SCN2A: variants seen among roughly 807,000 people sequenced by gnomAD.
The protein encoded by SCN2A is sodium voltage-gated channel alpha subunit 2.
In SCN2A, 20 loss-of-function variants were observed where a neutral mutation model predicts 188.7. The ratio of observed to expected loss-of-function variants is 0.11; its 90% confidence interval spans 0.07 to 0.15. SCN2A has a LOEUF of 0.15. Among genes scored for constraint, SCN2A ranks in the 10% least tolerant of loss-of-function variants. SCN2A has a pLI of 1.00. For synonymous variants in SCN2A, 804 were observed against 833.1 expected, an observed-to-expected ratio of 0.97 and a Z score of 0.60; for missense variants, 1,278 against 2,445.0, an observed-to-expected ratio of 0.52 and a Z score of 10.07.
Position 165,342,576 on chromosome 2 carries a change from A to G in SCN2A, c.2562+107A>G, listed in dbSNP as rs3816002. On this transcript the variant is annotated intron_variant, in intron 15 of 26. Coordinates refer to ENST00000375437, the MANE Select transcript of SCN2A (RefSeq NM_001040142.2). ...CCCATCATTATAATATTATTTGAAT[A>G]CACTTCTAAAACAAATTGGATTGCC... 4,970 of 1,229,628 alleles carry G rather than the reference A, an allele frequency of 4.0e-3. 78 individuals carry two copies. The East Asian group carries it at 0.052, about 13-fold the overall frequency. The allele number at this position is 1,229,628 out of a possible 1,614,324, so 76.2% of individuals were successfully genotyped here.
rs776067230 is a variant in SCN2A, at chr2:165,344,719, A to G, written c.2727A>G (p.Glu909=). ...GMQLFGKSYK[E]CVCKISNDCE... is the part of the protein sequence containing the mutation. Reference sequence around the variant, plus strand: ...AGCTCTTTGGTAAGAGCTACAAAGAATGTGTCTGCAAGATTTCCAATGATT... The same window carrying G: ...AGCTCTTTGGTAAGAGCTACAAAGAGTGTGTCTGCAAGATTTCCAATGATT... Residue 909 remains glutamate, a synonymous_variant, in exon 16 of 27, where the codon GAA becomes GAG. Coordinates refer to ENST00000375437, the MANE Select transcript of SCN2A (RefSeq NM_001040142.2). 1 of 1,614,094 alleles carries G rather than the reference A, an allele frequency of 6.2e-7. No homozygotes were observed. The highest frequency in any genetic ancestry group is 1.1e-5 in the South Asian group (1 of 91,058).
chr2:165,289,944 A>G (rs1696025755), intron 1 of SCN2A, among the ~76,000 whole-genome samples: 1 of 152,198 alleles, frequency 6.6e-6, no homozygotes. Context: ...TGTCTTAAGC[A>G]TTGCATAATT....
At chr2:165,364,729 T>C (rs1700635725) in intron 17 of SCN2A, among the ~76,000 whole-genome samples, 2 of 152,230 alleles carry the variant, frequency 1.3e-5, no homozygotes, top group Non-Finnish European at 2.9e-5. Context: ...GAATTTGACA[T>C]GAAAATACAC....
intron 1 of SCN2A, chr2:165,270,193 AT>A (rs1478097008): frequency 1.0e-3 from 153 of 151,842 alleles, no homozygotes; most frequent in Admixed American, 0.01. Flanking sequence ...CACATTCTTA[AT>A]TTCTTATTCT....
At chr2:165,259,145 C>T (rs1310871469) in intron 1 of SCN2A, among the ~76,000 whole-genome samples, 3 of 152,150 alleles carry the variant, frequency 2.0e-5, no homozygotes, top group Non-Finnish European at 2.9e-5. Flanking sequence ...AATAGAATTA[C>T]ATCTGAAAAA....
chr2:165,292,010 CA>C (rs1290437875), intron 1 of SCN2A, among the ~76,000 whole-genome samples: 1 of 152,076 alleles, frequency 6.6e-6, no homozygotes, highest in Non-Finnish European at 1.5e-5. Flanking sequence ...AGAGCTGCTA[CA>C]GCATCTAGCT....
At chr2:165,369,956 C>T (rs1236893029) in intron 19 of SCN2A, among the ~76,000 whole-genome samples, 170 bp from the exon 20 acceptor site, 3 of 152,154 alleles carry the variant, frequency 2.0e-5, no homozygotes, top group African/African-American at 4.8e-5. Context: ...AATGCCCAGT[C>T]AGCAGTCATT....
intron 1 of SCN2A, among the ~76,000 whole-genome samples, chr2:165,291,304 A>G (rs1200984367): frequency 6.6e-6 from 1 of 150,562 alleles, no homozygotes; most frequent in African/African-American, 2.4e-5. Context: ...TCGGCCTCCC[A>G]GAGTGCTGGG....
intron 5 of SCN2A, 158 bp from the exon 6 acceptor site, chr2:165,309,194 A>G (rs771844443): frequency 5.0e-6 from 8 of 1,613,634 alleles, no homozygotes; most frequent in Admixed American, 1.7e-5. Context: ...AACCTAGGCA[A>G]TGTTTCAGCT....
chr2:165,296,049 G>C lies in SCN2A; in HGVS notation c.226G>C (p.Val76Leu). 1 of 1,614,058 alleles carries C rather than the reference G, an allele frequency of 6.2e-7. No individual in the cohort carries two copies. The highest frequency in any genetic ancestry group is 8.5e-7 in the Non-Finnish European group (1 of 1,180,020). ...AGACATTCCTCCAGAGATGGTGTCAGTGCCCCTGGAGGATCTGGACCCCTA... is the reference window on the plus strand; with the variant it reads ...AGACATTCCTCCAGAGATGGTGTCACTGCCCCTGGAGGATCTGGACCCCTA... ...YGDIPPEMVS[V>L]PLEDLDPYYI... Residue 76 changes from valine to leucine, a missense_variant, in exon 2 of 27, where the codon GTG becomes CTG. Coordinates refer to ENST00000375437, the MANE Select transcript of SCN2A (RefSeq NM_001040142.2).
At chr2:165,369,881 T>G (rs1315688697) in intron 19 of SCN2A, among the ~76,000 whole-genome samples, 2 of 152,158 alleles carry the variant, frequency 1.3e-5, no homozygotes, top group Non-Finnish European at 2.9e-5. Context: ...TCTCAAAAAT[T>G]TTAAGCTCTT....
intron 13 of SCN2A, 118 bp from the exon 14 acceptor site, chr2:165,331,212 A>G: frequency 1.2e-6 from 1 of 826,516 alleles, no homozygotes; most frequent in Non-Finnish European, 2.0e-6. Context: ...CCTCCAGCAG[A>G]TTAACCCATA....
At chr2:165,343,558 G>A (rs990027977) in intron 15 of SCN2A, among the ~76,000 whole-genome samples, 1 of 152,054 alleles carries the variant, frequency 6.6e-6, no homozygotes, top group Admixed American at 6.5e-5. Context: ...TTATTCTCTG[G>A]AATAAATTAA....
chr2:165,380,102 C>T lies in SCN2A; in HGVS notation c.4309-490C>T, dbSNP rs573908598. On this transcript the variant is annotated intron_variant, in intron 23 of 26. Transcript: ENST00000375437. ...CTTACACTTAGCAATTACTACTGGC[C>T]GCCACTGTTCTAAGCATATTTATAT... is the stretch of plus-strand genomic sequence containing the variant. Among the ~76,000 whole-genome samples, 7 of 151,828 alleles carry T rather than the reference C, an allele frequency of 4.6e-5. No homozygotes were observed. In the South Asian group the frequency reaches 6.2e-4, roughly 13 times the overall value.
chr2:165,314,197 T>C, intron 10 of SCN2A, 89 bp downstream of exon 10: 2 of 1,311,298 alleles, frequency 1.5e-6, no homozygotes, highest in Non-Finnish European at 2.2e-6. Context: ...TAGTTGACAT[T>C]AGAAATAGGT....
intron 1 of SCN2A, among the ~76,000 whole-genome samples, chr2:165,283,284 A>T (rs1190931417): frequency 1.3e-5 from 2 of 152,182 alleles, no homozygotes; most frequent in Admixed American, 1.3e-4. Flanking sequence ...AGCCCAGGAG[A>T]CCTTAGCTAT....
chr2:165,298,871 G>A (rs370318355), intron 3 of SCN2A, among the ~76,000 whole-genome samples: 1 of 152,064 alleles, frequency 6.6e-6, no homozygotes. Flanking sequence ...AGTAGACATT[G>A]GGAAAATATT....
chr2:165,260,229 C>T (rs952183008), intron 1 of SCN2A, among the ~76,000 whole-genome samples: 4 of 152,148 alleles, frequency 2.6e-5, no homozygotes, highest in Non-Finnish European at 4.4e-5. Context: ...AGGCGTGAGC[C>T]ACTGCGCCCG....
At chr2:165,313,489 G>A (rs1471879407) in intron 8 of SCN2A, 131 bp from the exon 9 acceptor site, 3 of 912,370 alleles carry the variant, frequency 3.3e-6, no homozygotes, top group Non-Finnish European at 5.4e-6. Context: ...GTTAAGTACT[G>A]GGTAAGGTGA....
Sources: allele counts gnomAD v4.1 joint callset (sites outside exome capture counted in the v4.1 genomes callset), GRCh38; gene constraint gnomAD v4.1.1; transcripts MANE v1.5; gene names NCBI Gene and HGNC (gene_info 2026-07-23, HGNC 2026-07-21).